CSMD1: variants seen among roughly 807,000 people sequenced by gnomAD.
CSMD1 encodes the protein CUB and Sushi multiple domains 1.
In CSMD1, 213 loss-of-function variants were observed where a neutral mutation model predicts 417.5. That is an observed-to-expected ratio of 0.51 (90% CI 0.46 to 0.57). The LOEUF is 0.57. Among genes scored for constraint, CSMD1 ranks in the 20% least tolerant of loss-of-function variants. CSMD1 has a pLI of 0.00. For synonymous variants in CSMD1, 2,862 were observed against 1,736.8 expected, an observed-to-expected ratio of 1.65 and a Z score of -16.11; for missense variants, 6,923 against 4,529.7, an observed-to-expected ratio of 1.53 and a Z score of -15.17.
intron 3 of CSMD1, among the ~76,000 whole-genome samples, chr8:4,073,875 A>T (rs1219420381): frequency 2.0e-5 from 3 of 152,144 alleles, no homozygotes; most frequent in Non-Finnish European, 2.9e-5. Context: ...TAATATAGTC[A>T]ATAACTAGTC....
intron 2 of CSMD1, among the ~76,000 whole-genome samples, chr8:4,610,043 A>G (rs1217758953): frequency 6.6e-6 from 1 of 152,086 alleles, no homozygotes. Context: ...AAAAAAAACA[A>G]TTAGATATCA....
At chr8:3,762,158 T>C (rs1431312658) in intron 5 of CSMD1, among the ~76,000 whole-genome samples, 4 of 152,152 alleles carry the variant, frequency 2.6e-5, no homozygotes, top group African/African-American at 9.7e-5. Flanking sequence ...CCCCATCCCC[T>C]GCTTTCTACA....
At chr8:3,775,697 G>C (rs148150087) in intron 5 of CSMD1, among the ~76,000 whole-genome samples, 135 of 152,300 alleles carry the variant, frequency 8.9e-4, no homozygotes, top group African/African-American at 2.9e-3. Flanking sequence ...ATAAGTTCTA[G>C]TTCCTAAATG....
intron 41 of CSMD1, among the ~76,000 whole-genome samples, chr8:3,125,358 G>C (rs1295839979): frequency 6.6e-6 from 1 of 152,182 alleles, no homozygotes; most frequent in African/African-American, 2.4e-5. Context: ...TCTGCTGTCA[G>C]AACCCTCATC....
intron 5 of CSMD1, among the ~76,000 whole-genome samples, chr8:3,814,017 CA>C (rs1415384332): frequency 6.6e-6 from 1 of 152,142 alleles, no homozygotes; most frequent in Admixed American, 6.5e-5. Flanking sequence ...ATTAATGCAA[CA>C]GATTAAAAAC....
chr8:3,921,739 A>T (rs1220799339), intron 5 of CSMD1, among the ~76,000 whole-genome samples: 3 of 152,200 alleles, frequency 2.0e-5, no homozygotes, highest in African/African-American at 7.2e-5. Context: ...TATAAGAGTC[A>T]GGAAAGTTAC....
At chr8:3,967,108 C>A (rs1245822649) in intron 5 of CSMD1, among the ~76,000 whole-genome samples, 1 of 152,142 alleles carries the variant, frequency 6.6e-6, no homozygotes, top group East Asian at 1.9e-4. Flanking sequence ...CCATGATTTT[C>A]ATAGAGAAAC....
chr8:3,842,703 G>C (rs150138979), intron 5 of CSMD1, among the ~76,000 whole-genome samples: 1 of 151,778 alleles, frequency 6.6e-6, no homozygotes, highest in Non-Finnish European at 1.5e-5. Context: ...CCAAACTAAT[G>C]AGAAACCTGC....
intron 3 of CSMD1, among the ~76,000 whole-genome samples, chr8:4,314,634 A>C (rs757072830): frequency 6.6e-6 from 1 of 151,994 alleles, no homozygotes; most frequent in Non-Finnish European, 1.5e-5. Context: ...CACAAAAGCA[A>C]TGTAATGTAC....
chr8:3,912,005 T>C (rs185404440), intron 5 of CSMD1, among the ~76,000 whole-genome samples: 10 of 152,218 alleles, frequency 6.6e-5, no homozygotes, highest in African/African-American at 2.2e-4. Context: ...GTTCAAAGGA[T>C]CACCAATTGT....
intron 11 of CSMD1, among the ~76,000 whole-genome samples, chr8:3,489,087 T>C (rs959865838): frequency 1.3e-5 from 2 of 152,168 alleles, no homozygotes; most frequent in African/African-American, 4.8e-5. Context: ...CTGTGCATAG[T>C]GTCTGCTTTT....
Position 3,730,882 on chromosome 8 carries a change from C to G in CSMD1, c.932-22391G>C, listed in dbSNP as rs185283781. Among the ~76,000 whole-genome samples, 141 of 152,202 alleles carry G rather than the reference C, an allele frequency of 9.3e-4. 1 individual carries two copies. The highest frequency in any genetic ancestry group is 1.2e-3 in the Non-Finnish European group (79 of 68,014). ...AGGTGATAAGAGAGAGTGCTTTTAGCCACTATAATACGTAGACCAATTTGC... is the reference window on the plus strand; with the variant it reads ...AGGTGATAAGAGAGAGTGCTTTTAGGCACTATAATACGTAGACCAATTTGC... On this transcript the variant is annotated intron_variant, in intron 6 of 69. Coordinates refer to ENST00000635120, the MANE Select transcript of CSMD1 (RefSeq NM_033225.6).
chr8:3,616,074 A>G (rs1014930801), intron 8 of CSMD1, among the ~76,000 whole-genome samples: 1 of 152,224 alleles, frequency 6.6e-6, no homozygotes, highest in African/African-American at 2.4e-5. Context: ...TTTTAATGAA[A>G]TAACTATGAG....
intron 10 of CSMD1, among the ~76,000 whole-genome samples, chr8:3,567,242 G>T (rs183678494): frequency 5.3e-5 from 8 of 152,076 alleles, no homozygotes; most frequent in Admixed American, 2.0e-4. Context: ...CACAAAGAGG[G>T]AAACAATGGT....
chr8:4,178,215 C>T (rs1220994557), intron 3 of CSMD1, among the ~76,000 whole-genome samples: 2 of 152,254 alleles, frequency 1.3e-5, no homozygotes, highest in South Asian at 2.1e-4. Flanking sequence ...AGCAGCACAT[C>T]AAAAAGCTAA....
At position 4,905,509 on chromosome 8, in the gene CSMD1, A is replaced by G. The variant is rs538048144; in HGVS notation, c.85+88823T>C. Among the ~76,000 whole-genome samples, 333 of 152,170 alleles carry G rather than the reference A, an allele frequency of 2.2e-3. 2 individuals carry two copies. Among genetic ancestry groups the G allele is most frequent in the African/African-American group, 7.6e-3 (316 of 41,530 alleles). On this transcript the variant is annotated intron_variant, in intron 1 of 69. Coordinates refer to ENST00000635120, the MANE Select transcript of CSMD1 (RefSeq NM_033225.6). ...ACATTATTTCCATCTATTCCCTATC[A>G]TCACTAACTCTCTAAAGAAAAAGAA...
chr8:3,998,112 T>C lies in CSMD1; in HGVS notation c.611-2A>G. 2 of 1,558,098 alleles carry C rather than the reference T, an allele frequency of 1.3e-6. No homozygotes were observed. The highest frequency in any genetic ancestry group is 1.7e-6 in the Non-Finnish European group (2 of 1,149,694). Reference sequence around the variant, plus strand: ...AGGTTCCTCCGCAGGCTCCCTCAGCTGCAGGGGCAAAAGCAGAAAGAAAGC... The same window carrying C: ...AGGTTCCTCCGCAGGCTCCCTCAGCCGCAGGGGCAAAAGCAGAAAGAAAGC... On this transcript the variant is annotated splice_acceptor_variant, in intron 4 of 69. Transcript: ENST00000635120. LOFTEE classifies it high-confidence loss of function.
At chr8:4,571,299 G>C (rs747221760) in intron 2 of CSMD1, among the ~76,000 whole-genome samples, 1 of 152,106 alleles carries the variant, frequency 6.6e-6, no homozygotes, top group East Asian at 1.9e-4. Flanking sequence ...TTTTCCCTCA[G>C]AACACTGCTT....
At chr8:4,852,908 T>G (rs563653879) in intron 1 of CSMD1, among the ~76,000 whole-genome samples, 1 of 152,240 alleles carries the variant, frequency 6.6e-6, no homozygotes, top group African/African-American at 2.4e-5. Context: ...AAGGTTGAGC[T>G]TAAGAATGAT....
Sources: allele counts gnomAD v4.1 joint callset (sites outside exome capture counted in the v4.1 genomes callset), GRCh38; gene constraint gnomAD v4.1.1; transcripts MANE v1.5; gene names NCBI Gene and HGNC (gene_info 2026-07-23, HGNC 2026-07-21).